Variants in TOP1MT observed in about 807,000 individuals in gnomAD.
The protein encoded by TOP1MT is DNA topoisomerase I mitochondrial, also known as DNA topoisomerase I, mitochondrial.
Under a neutral mutation model 73.9 loss-of-function variants are expected in TOP1MT, and 80 were observed. The observed-to-expected ratio is 1.08, with a 90% CI of 0.90 to 1.30. The LOEUF is 1.30. Among genes scored for constraint, TOP1MT ranks in the 50% most tolerant of loss-of-function variants. TOP1MT has a pLI of 0.00. For missense variants in TOP1MT, 815 were observed against 808.0 expected, an observed-to-expected ratio of 1.01 and a Z score of -0.10; for synonymous variants, 338 against 326.4, an observed-to-expected ratio of 1.04 and a Z score of -0.38.
chr8:143,316,380 G>A (rs543630076), intron 10 of TOP1MT, among the ~76,000 whole-genome samples: 2 of 123,888 alleles, frequency 1.6e-5, no homozygotes, highest in African/African-American at 5.2e-5. Flanking sequence ...GGCCTTCCCA[G>A]GCCCCATGGC....
chr8:143,357,397 C>A (rs1432098136), upstream of TOP1MT, among the ~76,000 whole-genome samples: 11 of 145,206 alleles, frequency 7.6e-5, no homozygotes, highest in Admixed American at 7.3e-4. Flanking sequence ...CAGAGTGAGA[C>A]CTTGTCTCAA....
intron 9 of TOP1MT, 76 bp from the exon 10 acceptor site, chr8:143,317,913 T>C: frequency 1.3e-6 from 2 of 1,593,328 alleles, no homozygotes; most frequent in Non-Finnish European, 1.7e-6. Flanking sequence ...GGAAAGGACA[T>C]GTCAGCCGTT....
chr8:143,321,570 C>T (rs1325764386), intron 7 of TOP1MT, among the ~76,000 whole-genome samples, 184 bp from the exon 8 acceptor site: 3 of 104,794 alleles, frequency 2.9e-5, no homozygotes, highest in Admixed American at 1.1e-4. Context: ...CACACACGCA[C>T]GCCACACAGG....
intron 7 of TOP1MT, among the ~76,000 whole-genome samples, chr8:143,322,855 C>CACGCACGCA (rs1563760302): frequency 2.8e-5 from 1 of 35,650 alleles, no homozygotes; most frequent in Non-Finnish European, 6.7e-5. Context: ...ACGCACGCAA[C>CACGCACGCA]ACACACGCAC....
At chr8:143,334,709 C>A (rs760433958) in intron 1 of TOP1MT, 31 bp downstream of exon 1, 1 of 1,597,222 alleles carries the variant, frequency 6.3e-7, no homozygotes, top group Non-Finnish European at 8.5e-7. Context: ...GTGCTCAGGG[C>A]CCTCGCCGCC....
chr8:143,332,685 G>A (rs1184946437), intron 1 of TOP1MT: 17 of 691,040 alleles, frequency 2.5e-5, no homozygotes, highest in Non-Finnish European at 3.3e-5. Flanking sequence ...GGCAAGGTTA[G>A]AAGACGTAGA....
chr8:143,328,194 A>G, intron 3 of TOP1MT: 1 of 454,740 alleles, frequency 2.2e-6, no homozygotes, highest in South Asian at 1.6e-5. Flanking sequence ...AGTACTCACC[A>G]TAAAAGACAG....
chr8:143,329,299 G>T, intron 3 of TOP1MT, 51 bp downstream of exon 3: 1 of 1,531,296 alleles, frequency 6.5e-7, no homozygotes. Context: ...AACCGCAGAC[G>T]CCTAGCCAGC....
upstream of TOP1MT, among the ~76,000 whole-genome samples, chr8:143,346,553 G>A (rs1430410684): frequency 6.6e-6 from 1 of 152,200 alleles, no homozygotes; most frequent in East Asian, 1.9e-4. Context: ...AGGCTGACAT[G>A]GGAGGATCAC....
At chr8:143,356,744 C>G (rs954680535), upstream of TOP1MT, among the ~76,000 whole-genome samples, 4 of 139,480 alleles carry the variant, frequency 2.9e-5, no homozygotes, top group African/African-American at 8.5e-5. Flanking sequence ...TGAGATCGCG[C>G]CACTGAACTC....
chr8:143,335,650 C>G (rs933430683), upstream of TOP1MT, among the ~76,000 whole-genome samples: 3 of 152,294 alleles, frequency 2.0e-5, 1 homozygote. Context: ...CCGCTCACCT[C>G]TGGCAGCACC....
At chr8:143,334,188 G>C (rs1302292114) in intron 1 of TOP1MT, 1 of 152,384 alleles carries the variant, frequency 6.6e-6, no homozygotes, top group Admixed American at 6.5e-5. Flanking sequence ...GGCTACCCCA[G>C]GCCCAGTATG....
rs1563759248 is a variant in TOP1MT, at chr8:143,322,416, CGCCACACACA to C, written c.961-1040_961-1031del. 2.2e-4 allele frequency among the ~76,000 whole-genome samples: 28 copies of C among 129,252 alleles called. 1 individual carries two copies. The highest frequency in any genetic ancestry group is 9.3e-4 in the African/African-American group (28 of 30,106). The allele number at this position is 129,252 out of a possible 152,430, so 84.8% of individuals were successfully genotyped here. ...CACACACATGCTCACCACACACGCA[CGCCACACACA>C]TGCACACCACACGCACGCCACACAC... On this transcript the variant is annotated intron_variant, in intron 7 of 13. Transcript: ENST00000329245.
chr8:143,328,848 A>G (rs2467895), intron 3 of TOP1MT, among the ~76,000 whole-genome samples: 113,872 of 152,148 alleles, frequency 0.75, 42,810 homozygotes, highest in South Asian at 0.85. Flanking sequence ...AGGGCACAGA[A>G]TCCGCGGCAC....
chr8:143,334,585 C>G (rs532656959), intron 1 of TOP1MT, among the ~76,000 whole-genome samples, 155 bp downstream of exon 1: 1 of 152,344 alleles, frequency 6.6e-6, no homozygotes, highest in Non-Finnish European at 1.5e-5. Flanking sequence ...AGGAGGCGGG[C>G]CGGTCACACC....
rs935579534 is a variant in TOP1MT, at chr8:143,323,882, C to A, written c.960+117G>T. The A allele has an allele frequency of 5.2e-6, 6 of 1,160,712 alleles. No homozygotes were observed. In the African/African-American group the frequency reaches 7.7e-5, roughly 15 times the overall value. 71.9% of individuals were successfully genotyped at this position (1,160,712 alleles called of 1,614,324 possible). The stretch of plus-strand genomic sequence containing the variant: ...GTGCACATGCACACACCCCCCCCAT[C>A]AGAATGAGGTTCCACCCCACACACA... On this transcript the variant is annotated intron_variant, in intron 7 of 13. Coordinates refer to ENST00000329245, the MANE Select transcript of TOP1MT (RefSeq NM_052963.3).
At chr8:143,335,038 G>T, upstream of TOP1MT, 1 of 610,998 alleles carries the variant, frequency 1.6e-6, no homozygotes, top group Non-Finnish European at 2.2e-6. Flanking sequence ...TGACTGTCCT[G>T]CCGGCCTCCC....
At chr8:143,323,646 G>A (rs1350460045) in intron 7 of TOP1MT, among the ~76,000 whole-genome samples, 1 of 39,114 alleles carries the variant, frequency 2.6e-5, no homozygotes, top group African/African-American at 7.1e-5. Flanking sequence ...CCACACGCAC[G>A]CCACACACAT....
chr8:143,315,570 CTTTCT>C (rs1306693517), intron 12 of TOP1MT, among the ~76,000 whole-genome samples, 152 bp downstream of exon 12: 1 of 152,168 alleles, frequency 6.6e-6, no homozygotes, highest in Non-Finnish European at 1.5e-5. Flanking sequence ...CCCAGCTGTC[CTTTCT>C]TTTATCTCTT....
Sources: gnomAD v4.1 joint callset for allele counts (sites outside exome capture counted in the v4.1 genomes callset) on GRCh38, gnomAD v4.1.1 for gene constraint, MANE v1.5 for transcripts, NCBI Gene and HGNC (gene_info 2026-07-23, HGNC 2026-07-21) for gene names.